Variants in BRAF observed in about 807,000 individuals in gnomAD.
BRAF encodes serine/threonine-protein kinase B-raf.
A neutral mutation model predicts 104.6 loss-of-function variants in BRAF; 16 were observed. The ratio of observed to expected loss-of-function variants is 0.15; its 90% confidence interval spans 0.10 to 0.23. The LOEUF (loss-of-function observed/expected upper bound fraction) is 0.23. Among genes scored for constraint, BRAF ranks in the 10% least tolerant of loss-of-function variants. BRAF has a pLI of 1.00. For missense variants in BRAF, 541 were observed against 937.3 expected (o/e 0.58, Z 5.52); for synonymous variants, 310 against 341.6 (o/e 0.91, Z 1.02).
intron 1 of BRAF, among the ~76,000 whole-genome samples, chr7:140,870,923 C>T (rs919434372): frequency 1.3e-5 from 2 of 149,058 alleles, no homozygotes; most frequent in African/African-American, 2.5e-5. Context: ...ATGCAAATCA[C>T]ATGTTCAAGA....
At chr7:140,900,506 G>A (rs182315702) in intron 1 of BRAF, among the ~76,000 whole-genome samples, 1 of 152,286 alleles carries the variant, frequency 6.6e-6, no homozygotes, top group African/African-American at 2.4e-5. Flanking sequence ...CACAAGAGCA[G>A]GTGTCCCTCC....
At chr7:140,842,940 T>C (rs1289730001) in intron 2 of BRAF, among the ~76,000 whole-genome samples, 2 of 152,222 alleles carry the variant, frequency 1.3e-5, no homozygotes, top group Non-Finnish European at 2.9e-5. Context: ...CCAATTTCTC[T>C]GTTTTGCTAC....
chr7:140,881,214 C>T (rs1467444295), intron 1 of BRAF, among the ~76,000 whole-genome samples: 1 of 152,102 alleles, frequency 6.6e-6, no homozygotes, highest in African/African-American at 2.4e-5. Context: ...TGCAGAATTC[C>T]AAAGGGCCCT....
intron 1 of BRAF, among the ~76,000 whole-genome samples, chr7:140,923,986 A>G (rs1366908188): frequency 6.6e-6 from 1 of 152,210 alleles, no homozygotes; most frequent in Non-Finnish European, 1.5e-5. Flanking sequence ...TTGAAAAAGT[A>G]AAGACTAAAT....
At chr7:140,786,543 T>C (rs1007150637) in intron 9 of BRAF, among the ~76,000 whole-genome samples, 1 of 152,154 alleles carries the variant, frequency 6.6e-6, no homozygotes, top group African/African-American at 2.4e-5. Flanking sequence ...TTACAAAAAG[T>C]ATTTTCTTAA....
intron 14 of BRAF, among the ~76,000 whole-genome samples, chr7:140,760,722 T>A (rs2129004971): frequency 6.6e-6 from 1 of 151,892 alleles, no homozygotes; most frequent in African/African-American, 2.4e-5. Flanking sequence ...AAGCCAAGGC[T>A]CGAGAACTAT....
At chr7:140,887,024 G>C (rs796683848) in intron 1 of BRAF, among the ~76,000 whole-genome samples, 19 of 152,302 alleles carry the variant, frequency 1.2e-4, no homozygotes, top group African/African-American at 4.6e-4. Flanking sequence ...ATGAGAGTCT[G>C]AACTATTGTT....
At chr7:140,752,415 G>A (rs920745639) in intron 16 of BRAF, among the ~76,000 whole-genome samples, 2 of 152,184 alleles carry the variant, frequency 1.3e-5, no homozygotes, top group African/African-American at 4.8e-5. Context: ...GCAATGTGTT[G>A]TTTTGGTTGA....
intron 8 of BRAF, among the ~76,000 whole-genome samples, chr7:140,788,007 G>A (rs1469182501): frequency 6.6e-6 from 1 of 152,302 alleles, no homozygotes; most frequent in East Asian, 1.9e-4. Context: ...AAAGGAGGAA[G>A]AGCAACAGAA....
At position 140,771,384 on chromosome 7, in the gene BRAF, C is replaced by T. The variant is rs540185021; in HGVS notation, c.1814+5528G>A. ...CTAATTTTTGTATTTTTTGTAGAGA[C>T]GGGGTTTTGCCGTTGCCCAGGCTGG... On this transcript the variant is annotated intron_variant, in intron 14 of 19. Transcript: ENST00000644969. Among the ~76,000 whole-genome samples the T allele has an allele frequency of 6.6e-5, 10 of 152,108 alleles. No individual in the cohort carries two copies. The South Asian group carries it at 1.9e-3, about 28-fold the overall frequency.
At chr7:140,869,273 TC>T (rs1024242911) in intron 1 of BRAF, among the ~76,000 whole-genome samples, 18 of 152,082 alleles carry the variant, frequency 1.2e-4, no homozygotes, top group African/African-American at 3.9e-4. Context: ...GAGACACCTT[TC>T]CCCCATCCCC....
At chr7:140,783,274 T>C in intron 10 of BRAF, 117 bp from the exon 10 acceptor site, 3 of 1,300,086 alleles carry the variant, frequency 2.3e-6, no homozygotes, top group Non-Finnish European at 3.2e-6. Flanking sequence ...CATGTTTAAA[T>C]ATAGACCTTT....
intron 2 of BRAF, among the ~76,000 whole-genome samples, chr7:140,844,337 G>A (rs934884227): frequency 6.6e-6 from 1 of 152,022 alleles, no homozygotes; most frequent in Non-Finnish European, 1.5e-5. Context: ...TGCTTCTTTA[G>A]TATTGCTACA....
intron 1 of BRAF, among the ~76,000 whole-genome samples, chr7:140,869,507 C>T (rs1811328944): frequency 6.6e-6 from 1 of 152,094 alleles, no homozygotes; most frequent in South Asian, 2.1e-4. Flanking sequence ...GTGGCGGACA[C>T]CCGTAATTCC....
At chr7:140,907,787 C>A (rs569619211) in intron 1 of BRAF, among the ~76,000 whole-genome samples, 1 of 151,758 alleles carries the variant, frequency 6.6e-6, no homozygotes, top group African/African-American at 2.4e-5. Flanking sequence ...TCTTATAGGC[C>A]AGGCTGGAGT....
chr7:140,737,155 T>C (rs1796511760), intron 18 of BRAF, among the ~76,000 whole-genome samples: 2 of 152,206 alleles, frequency 1.3e-5, no homozygotes, highest in Non-Finnish European at 2.9e-5. Context: ...AATCTTAATG[T>C]CTTTTTCTTA....
chr7:140,856,411 A>G (rs1206830659), intron 1 of BRAF, among the ~76,000 whole-genome samples: 1 of 152,202 alleles, frequency 6.6e-6, no homozygotes, highest in Non-Finnish European at 1.5e-5. Flanking sequence ...CAGAAAACGA[A>G]TATAATCAGT....
At chr7:140,795,147 T>C (rs912175668) in intron 7 of BRAF, among the ~76,000 whole-genome samples, 2 of 152,252 alleles carry the variant, frequency 1.3e-5, no homozygotes, top group African/African-American at 4.8e-5. Flanking sequence ...ACCAAAATGT[T>C]ACATTTGTAT....
rs1795441209 is a variant in BRAF at position 140,723,771 on chromosome 7, C to T, written c.*2723G>A. 3.8e-6 allele frequency: 4 copies of T among 1,048,854 alleles called. No homozygotes were observed. Among genetic ancestry groups the T allele is most frequent in the Non-Finnish European group, 4.6e-6 (4 of 868,940 alleles). The allele number at this position is 1,048,854 out of a possible 1,614,324, so 65.0% of individuals were successfully genotyped here. On this transcript the variant is annotated 3_prime_UTR_variant, in exon 20 of 20. Coordinates refer to ENST00000644969, the MANE Select transcript of BRAF (RefSeq NM_001374258.1). ...ACTTTACAGACAAGACTGTTACACC[C>T]TTACAAGATGATCAGTGACGCAGCC...
Sources: allele counts gnomAD v4.1 joint callset (sites outside exome capture counted in the v4.1 genomes callset), GRCh38; gene constraint gnomAD v4.1.1; transcripts MANE v1.5; gene names NCBI Gene and HGNC (gene_info 2026-07-23, HGNC 2026-07-21).